ANKRD1: variants seen among roughly 807,000 people sequenced by gnomAD.
The protein encoded by ANKRD1 is ankyrin repeat domain-containing protein 1.
Under a neutral mutation model 40.1 loss-of-function variants are expected in ANKRD1, and 32 were observed. That is an observed-to-expected ratio of 0.80 (90% CI 0.60 to 1.07). The LOEUF is 1.07. Ranked by LOEUF, ANKRD1 falls within the 50% of genes least tolerant of loss-of-function variation. ANKRD1 has a pLI of 0.00. For missense variants in ANKRD1, 359 were observed against 386.0 expected (o/e 0.93, Z 0.59); for synonymous variants, 149 against 141.2 (o/e 1.06, Z -0.39).
intron 1 of ANKRD1, among the ~76,000 whole-genome samples, chr10:90,920,613 C>A (rs1314711297): frequency 6.6e-6 from 1 of 152,192 alleles, no homozygotes. Context: ...AATCACATTT[C>A]TTTTAGGAAA....
intron 1 of ANKRD1, 50 bp from the exon 2 acceptor site, chr10:90,920,398 T>A (rs753265793): frequency 6.2e-7 from 1 of 1,606,664 alleles, no homozygotes; most frequent in African/African-American, 1.3e-5. Flanking sequence ...TCGTCCTGGG[T>A]CATTCTTCAC....
intron 4 of ANKRD1, 141 bp downstream of exon 4, chr10:90,918,724 A>G: frequency 1.4e-6 from 1 of 724,668 alleles, no homozygotes. Context: ...CTCTCCTATT[A>G]GGCTCCTGGC....
At chr10:90,916,392 G>A (rs1847374697) in intron 5 of ANKRD1, 123 bp from the exon 6 acceptor site, 11 of 744,180 alleles carry the variant, frequency 1.5e-5, no homozygotes, top group Non-Finnish European at 2.6e-5. Context: ...ATTCTAACTG[G>A]AGTCGAAGGT....
In ANKRD1 at chr10:90,918,987, A is replaced by ATATATATATATATATATATATATAT. The variant is rs60923931; in HGVS notation, c.346-16_346-15insATATATATATATATATATATATATA. ...ACAGGTTCCGTCTAAAGCCAAAATA[A>ATATATATATATATATATATATATAT]ATAAATATATATATATATATATATA... On this transcript the variant is annotated splice_polypyrimidine_tract_variant and intron_variant, in intron 3 of 8. Transcript: ENST00000371697. 3.7e-4 allele frequency: 73 copies of ATATATATATATATATATATATATAT among 198,590 alleles called. 1 individual carries two copies. The highest frequency in any genetic ancestry group is 9.6e-4 in the African/African-American group (25 of 26,010). 12.3% of individuals were successfully genotyped at this position (198,590 alleles called of 1,614,324 possible). A position where few individuals can be genotyped will look rare whatever the true frequency, so the allele number is the denominator to read the frequency against.
At chr10:90,914,591 C>T (rs1847349802) in intron 8 of ANKRD1, among the ~76,000 whole-genome samples, 1 of 152,114 alleles carries the variant, frequency 6.6e-6, no homozygotes, top group Non-Finnish European at 1.5e-5. Flanking sequence ...AAGCAATCTT[C>T]ATTTATCACC....
chr10:90,918,914 A>T lies in ANKRD1; in HGVS notation c.404T>A (p.Val135Glu), dbSNP rs995351186. Residue 135 changes from valine (V) to glutamate (E), a missense_variant, in exon 4 of 9, where the codon GTA becomes GAA. Transcript: ENST00000371697. ...LKAALENKLP[V>E]VEKFLSDKNN... ...CTTGTCTGACAAGAATTTTTCTACTACTGGCAGTTTATTCTCCAGAGCAGC... is the reference window on the plus strand; with the variant it reads ...CTTGTCTGACAAGAATTTTTCTACTTCTGGCAGTTTATTCTCCAGAGCAGC... 1.4e-5 allele frequency: 23 copies of T among 1,611,754 alleles called. No individual in the cohort carries two copies. The highest frequency in any genetic ancestry group is 1.9e-5 in the Non-Finnish European group (23 of 1,179,662).
Position 90,920,204 on chromosome 10 carries a change from G to A in ANKRD1, c.172C>T (p.Gln58Ter), listed in dbSNP as rs1290627165. 2 of 1,613,846 alleles carry A rather than the reference G, an allele frequency of 1.2e-6. No individual in the cohort carries two copies. Among genetic ancestry groups the A allele is most frequent in the Non-Finnish European group, 1.7e-6 (2 of 1,179,974 alleles). ...LLAHPVTLGE[Q>*]QWKSEKQREA... ...CGTTGTTTCTCGCTTTTCCACTGTT[G>A]CTCCCCCAGGGTCACAGGGTGGGCT... The change falls in exon 2 of 9, where the codon CAA (glutamine) becomes TAA (stop). Residue 58 changes from glutamine (Q) to a stop codon, truncating the protein, a stop_gained. Transcript: ENST00000371697. LOFTEE classifies it high-confidence loss of function.
Position 90,915,533 on chromosome 10 carries a change from CAGTA to C in ANKRD1, c.849+6_849+9del, listed in dbSNP as rs1564573629. Reference sequence around the variant, plus strand: ...GCTTGCAAGCGGTGTTTCTTGTTTCCAGTACTTACACAGTTCTTGATGTTGAGAT... The same window carrying C: ...GCTTGCAAGCGGTGTTTCTTGTTTCCCTTACACAGTTCTTGATGTTGAGAT... On this transcript the variant is annotated splice_donor_region_variant and intron_variant, in intron 8 of 8. Coordinates refer to ENST00000371697, the MANE Select transcript of ANKRD1 (RefSeq NM_014391.3). The C allele has an allele frequency of 6.2e-7, 1 of 1,611,706 alleles. No homozygotes were observed. The highest frequency in any genetic ancestry group is 1.3e-5 in the African/African-American group (1 of 74,862).
chr10:90,920,972 AT>A, intron 1 of ANKRD1, 28 bp downstream of exon 1: 1 of 1,609,178 alleles, frequency 6.2e-7, no homozygotes, highest in Non-Finnish European at 8.5e-7. Flanking sequence ...ACCAGTTTTC[AT>A]TTTATAAAAT....
In ANKRD1 at chr10:90,913,004, C is replaced by G. The variant is rs768785507; in HGVS notation, c.850-28G>C. 1.1e-5 allele frequency: 18 copies of G among 1,595,412 alleles called. No homozygotes were observed. The East Asian group carries it at 3.8e-4, about 34-fold the overall frequency. ...AATCAAATGAGATAAGGAAAGTTGACTTTCAGGTGGGTGACATCTGTAAAT... is the reference window on the plus strand; with the variant it reads ...AATCAAATGAGATAAGGAAAGTTGAGTTTCAGGTGGGTGACATCTGTAAAT... On this transcript the variant is annotated intron_variant, in intron 8 of 8. Coordinates refer to ENST00000371697, the MANE Select transcript of ANKRD1 (RefSeq NM_014391.3).
At chr10:90,920,914 C>T (rs1847430365) in intron 1 of ANKRD1, 87 bp downstream of exon 1, 2 of 1,292,920 alleles carry the variant, frequency 1.5e-6, no homozygotes, top group Admixed American at 3.4e-5. Context: ...CCTTGCATTA[C>T]ACCTGAAAGC....
intron 2 of ANKRD1, 82 bp downstream of exon 2, chr10:90,920,087 T>G: frequency 6.4e-7 from 1 of 1,572,410 alleles, no homozygotes; most frequent in South Asian, 1.1e-5. Context: ...TTGGGTTTGT[T>G]TCTCTCTTCT....
chr10:90,914,738 T>G (rs1432542310), intron 8 of ANKRD1, among the ~76,000 whole-genome samples: 2 of 98,742 alleles, frequency 2.0e-5, no homozygotes, highest in Non-Finnish European at 3.9e-5. Flanking sequence ...CCCCCACTCT[T>G]TTTTGTAAAG....
In ANKRD1 at chr10:90,912,342, G is replaced by C. The variant is rs1367702972; in HGVS notation, c.*524C>G. The C allele has an allele frequency of 1.6e-5, 2 of 122,986 alleles. No individual in the cohort carries two copies. The highest frequency in any genetic ancestry group is 5.7e-4 in the South Asian group (2 of 3,524). The allele number at this position is 122,986 out of a possible 1,614,324, so 7.6% of individuals were successfully genotyped here. ...AAAAATCCAGCCTGGGGGTAAAATAGCTGGCTTCACTGTCCTTTTCACAGA... is the reference window on the plus strand; with the variant it reads ...AAAAATCCAGCCTGGGGGTAAAATACCTGGCTTCACTGTCCTTTTCACAGA... On this transcript the variant is annotated 3_prime_UTR_variant, in exon 9 of 9. Transcript: ENST00000371697.
rs754717867 is a variant in ANKRD1, at chr10:90,917,740, G to A, written c.544C>T (p.Arg182Cys). The change falls in exon 5 of 9, where the codon CGT becomes TGT. Residue 182 changes from arginine (R) to cysteine (C), a missense_variant. Transcript: ENST00000371697. ...LMEAGAQIEF[R>C]DMLESTAIHW... ...CAAAGAAATATATTTACCATATCAC[G>A]GAATTCGATCTGGGCTCCAGCTTCC... 1.6e-5 allele frequency: 26 copies of A among 1,613,396 alleles called. No homozygotes were observed. The highest frequency in any genetic ancestry group is 4.4e-5 in the South Asian group (4 of 91,070).
chr10:90,920,369 A>G, intron 1 of ANKRD1, 21 bp from the exon 2 acceptor site: 1 of 1,613,690 alleles, frequency 6.2e-7, no homozygotes, highest in Non-Finnish European at 8.5e-7. Context: ...AGAAGATGGC[A>G]GCGTCAGAAG....
intron 4 of ANKRD1, among the ~76,000 whole-genome samples, chr10:90,918,051 A>G (rs958703432): frequency 2.0e-5 from 3 of 152,220 alleles, no homozygotes; most frequent in African/African-American, 7.2e-5. Flanking sequence ...CCAAGGGCTC[A>G]AAGGCCTACG....
At chr10:90,914,720 T>TCCCC (rs55919759) in intron 8 of ANKRD1, among the ~76,000 whole-genome samples, 2 of 79,698 alleles carry the variant, frequency 2.5e-5, no homozygotes, top group African/African-American at 1.1e-4. Context: ...TGAGTTTCCC[T>TCCCC]CCCCCCCCCC....
rs755834899 is a variant in ANKRD1, at chr10:90,915,537, A to G, written c.849+6T>C. 1.9e-6 allele frequency: 3 copies of G among 1,612,494 alleles called. No individual in the cohort carries two copies. Among genetic ancestry groups the G allele is most frequent in the Admixed American group, 1.7e-5 (1 of 60,024 alleles). The stretch of plus-strand genomic sequence containing the variant: ...GCAAGCGGTGTTTCTTGTTTCCAGT[A>G]CTTACACAGTTCTTGATGTTGAGAT... On this transcript the variant is annotated splice_donor_region_variant and intron_variant, in intron 8 of 8. Transcript: ENST00000371697.
Sources: gnomAD v4.1 joint callset for allele counts (sites outside exome capture counted in the v4.1 genomes callset) on GRCh38, gnomAD v4.1.1 for gene constraint, MANE v1.5 for transcripts, NCBI Gene and HGNC (gene_info 2026-07-23, HGNC 2026-07-21) for gene names.